The following ELP3 variants were observed in gnomAD, a reference collection of about 807,000 sequenced individuals.
ELP3 encodes elongator acetyltransferase complex subunit 3.
A neutral mutation model predicts 74.9 loss-of-function variants in ELP3; 56 were observed. The observed-to-expected ratio is 0.75, with a 90% confidence interval of 0.60 to 0.93. The LOEUF (loss-of-function observed/expected upper bound fraction) is 0.93. Among genes scored for constraint, ELP3 ranks in the 40% least tolerant of loss-of-function variants. The probability of loss-of-function intolerance (pLI) is 0.00; values close to 1 mark genes in which losing one functional copy is unlikely to be tolerated. For synonymous variants in ELP3, 222 were observed against 239.8 expected (o/e 0.93, Z 0.68); for missense variants, 573 against 686.5 (o/e 0.83, Z 1.85).
intron 10 of ELP3, among the ~76,000 whole-genome samples, chr8:28,152,100 G>A (rs972358394): frequency 1.2e-4 from 18 of 152,134 alleles, no homozygotes; most frequent in African/African-American, 4.1e-4. Context: ...CTCTGTTCTG[G>A]GAAGCCACAA....
chr8:28,102,443 A>G, intron 3 of ELP3, among the ~76,000 whole-genome samples: 1 of 152,112 alleles, frequency 6.6e-6, no homozygotes, highest in Non-Finnish European at 1.5e-5. Context: ...TTCCTTACGC[A>G]TCTATTTTGT....
intron 14 of ELP3, among the ~76,000 whole-genome samples, chr8:28,185,316 TACCCAAC>T (rs1203402288): frequency 6.6e-6 from 1 of 152,168 alleles, no homozygotes; most frequent in Non-Finnish European, 1.5e-5. Context: ...ATCATTCCAT[TACCCAAC>T]ACCCAACATA....
intron 7 of ELP3, among the ~76,000 whole-genome samples, chr8:28,126,574 G>T (rs547686211): frequency 2.6e-5 from 4 of 152,168 alleles, no homozygotes; most frequent in Non-Finnish European, 5.9e-5. Context: ...AGTTGACAGA[G>T]TTGCTGCATG....
intron 14 of ELP3, among the ~76,000 whole-genome samples, chr8:28,174,924 T>C (rs1814682426): frequency 6.6e-6 from 1 of 152,182 alleles, no homozygotes; most frequent in South Asian, 2.1e-4. Flanking sequence ...AATTCTTGAT[T>C]GGCAGATTTA....
chr8:28,163,306 T>G (rs1032635577), intron 14 of ELP3, among the ~76,000 whole-genome samples: 1 of 152,170 alleles, frequency 6.6e-6, no homozygotes, highest in African/African-American at 2.4e-5. Flanking sequence ...ACTACTACAT[T>G]CCTAAAGCTA....
chr8:28,177,700 C>T (rs1459906366), intron 14 of ELP3, among the ~76,000 whole-genome samples: 1 of 152,146 alleles, frequency 6.6e-6, no homozygotes, highest in Non-Finnish European at 1.5e-5. Context: ...GAAGGGTGGC[C>T]TATGTCCTAA....
intron 8 of ELP3, among the ~76,000 whole-genome samples, chr8:28,131,908 C>G (rs1812798294): frequency 6.6e-6 from 1 of 152,150 alleles, no homozygotes. Flanking sequence ...ATTTTTAATA[C>G]AGGTATTTAC....
intron 7 of ELP3, among the ~76,000 whole-genome samples, chr8:28,120,006 A>G (rs1254183863): frequency 1.3e-5 from 2 of 152,162 alleles, no homozygotes; most frequent in Non-Finnish European, 2.9e-5. Context: ...TTCTATTGAT[A>G]GACGCCTGAG....
At chr8:28,163,374 T>C (rs1390299310) in intron 14 of ELP3, among the ~76,000 whole-genome samples, 1 of 152,100 alleles carries the variant, frequency 6.6e-6, no homozygotes, top group Non-Finnish European at 1.5e-5. Context: ...ATGAGGTTTT[T>C]TAAAAAAAAA....
At chr8:28,116,041 A>G (rs1585658327) in intron 7 of ELP3, among the ~76,000 whole-genome samples, 1 of 152,340 alleles carries the variant, frequency 6.6e-6, no homozygotes, top group African/African-American at 2.4e-5. Flanking sequence ...CTTGGCACAT[A>G]GTAAGCACAA....
At chr8:28,185,903 C>A (rs904896476) in intron 14 of ELP3, among the ~76,000 whole-genome samples, 5 of 152,258 alleles carry the variant, frequency 3.3e-5, no homozygotes, top group African/African-American at 9.6e-5. Flanking sequence ...CAGAATTACT[C>A]CGAATTCTGA....
At chr8:28,120,744 G>C (rs945903297) in intron 7 of ELP3, among the ~76,000 whole-genome samples, 1 of 152,132 alleles carries the variant, frequency 6.6e-6, no homozygotes, top group Admixed American at 6.5e-5. Context: ...GGGGATCAAG[G>C]TTCCTTTTTC....
intron 2 of ELP3, among the ~76,000 whole-genome samples, chr8:28,099,383 CA>C (rs1811382406): frequency 6.6e-6 from 1 of 151,938 alleles, no homozygotes; most frequent in African/African-American, 2.4e-5. Context: ...AGTGTTACAA[CA>C]GGAAGACAAG....
intron 14 of ELP3, among the ~76,000 whole-genome samples, chr8:28,181,679 G>A (rs1386429211): frequency 6.6e-6 from 1 of 152,238 alleles, no homozygotes; most frequent in Admixed American, 6.5e-5. Flanking sequence ...CAGAGTCAGG[G>A]GAGTTGAGTG....
At chr8:28,163,421 T>G (rs925047402) in intron 14 of ELP3, among the ~76,000 whole-genome samples, 3 of 152,082 alleles carry the variant, frequency 2.0e-5, no homozygotes, top group African/African-American at 7.2e-5. Context: ...TACCCATGCT[T>G]GGGTTTTAAT....
chr8:28,133,850 A>G (rs1812875948), intron 9 of ELP3, among the ~76,000 whole-genome samples: 2 of 151,584 alleles, frequency 1.3e-5, no homozygotes, highest in Admixed American at 1.3e-4. Flanking sequence ...CACAATGGAT[A>G]TGTAATAGAC....
chr8:28,172,606 T>C (rs1490429616), intron 14 of ELP3, among the ~76,000 whole-genome samples: 3 of 152,104 alleles, frequency 2.0e-5, no homozygotes, highest in African/African-American at 7.2e-5. Context: ...GAGATAGTTT[T>C]ACTTATTCCT....
intron 10 of ELP3, 56 bp downstream of exon 10, chr8:28,137,947 C>T (rs1166188951): frequency 7.1e-6 from 10 of 1,415,330 alleles, no homozygotes; most frequent in African/African-American, 4.4e-5. Flanking sequence ...TTTACTATTT[C>T]TCATGGAAAT....
chr8:28,165,968 A>G (rs1339863292), intron 14 of ELP3, among the ~76,000 whole-genome samples: 1 of 152,232 alleles, frequency 6.6e-6, no homozygotes, highest in Non-Finnish European at 1.5e-5. Context: ...TCAAAATCAA[A>G]TGAAGCAATT....
Sources: gnomAD v4.1 joint callset for allele counts (sites outside exome capture counted in the v4.1 genomes callset) on GRCh38, gnomAD v4.1.1 for gene constraint, MANE v1.5 for transcripts, NCBI Gene and HGNC (gene_info 2026-07-23, HGNC 2026-07-21) for gene names.